ARB2A: variants seen among roughly 807,000 people sequenced by gnomAD.
ARB2A encodes ARB2 cotranscriptional regulator A.
the ARB2A span, among the ~76,000 whole-genome samples, chr5:94,084,557 TA>T: frequency 6.6e-6 from 1 of 152,092 alleles, no homozygotes; most frequent in Admixed American, 6.5e-5. Flanking sequence ...TTCAAAAAGT[TA>T]CATGGAAAGA....
chr5:93,687,201 C>T, the ARB2A span, among the ~76,000 whole-genome samples: 1 of 152,114 alleles, frequency 6.6e-6, no homozygotes, highest in African/African-American at 2.4e-5. Context: ...TAAAAATATG[C>T]TCAACCTCAC....
the ARB2A span, among the ~76,000 whole-genome samples, chr5:93,644,951 G>A: frequency 6.6e-6 from 1 of 152,154 alleles, no homozygotes; most frequent in East Asian, 1.9e-4. Flanking sequence ...ATTTGCTCTG[G>A]GCTGACTAAA....
the ARB2A span, chr5:93,910,972 G>C: frequency 6.6e-6 from 1 of 151,484 alleles, no homozygotes; most frequent in Non-Finnish European, 1.5e-5. Context: ...TCAGAAGAGA[G>C]TCATCAAAAT....
At chr5:93,961,607 C>A in the ARB2A span, among the ~76,000 whole-genome samples, 2 of 151,630 alleles carry the variant, frequency 1.3e-5, no homozygotes, top group African/African-American at 4.8e-5. Flanking sequence ...TTGCTTGAGG[C>A]CAGGAAGTCA....
chr5:94,049,073 T>C, the ARB2A span, among the ~76,000 whole-genome samples: 4 of 152,232 alleles, frequency 2.6e-5, no homozygotes, highest in African/African-American at 9.6e-5. Context: ...ATTTCAGCTT[T>C]TCCTTAGAAA....
chr5:93,871,061 C>T, the ARB2A span, among the ~76,000 whole-genome samples: 5 of 152,162 alleles, frequency 3.3e-5, no homozygotes, highest in Non-Finnish European at 7.4e-5. Flanking sequence ...CAAAGTAAGC[C>T]TGACAATCCC....
the ARB2A span, among the ~76,000 whole-genome samples, chr5:93,833,752 A>G: frequency 2.0e-5 from 3 of 152,218 alleles, no homozygotes; most frequent in Non-Finnish European, 4.4e-5. Context: ...AAATCAGAAT[A>G]CCACTTAGTA....
At chr5:93,917,059 C>A in the ARB2A span, among the ~76,000 whole-genome samples, 2 of 152,104 alleles carry the variant, frequency 1.3e-5, no homozygotes, top group South Asian at 4.1e-4. Context: ...CTCATTTAAT[C>A]CTCATTAATC....
At chr5:93,684,711 G>A in the ARB2A span, among the ~76,000 whole-genome samples, 1 of 152,154 alleles carries the variant, frequency 6.6e-6, no homozygotes, top group Non-Finnish European at 1.5e-5. Context: ...TTGGAGAATA[G>A]AGTTCTTTTT....
chr5:93,745,809 T>C, the ARB2A span, among the ~76,000 whole-genome samples: 197 of 152,064 alleles, frequency 1.3e-3, no homozygotes, highest in Non-Finnish European at 2.5e-3. Flanking sequence ...ACTCTGCAGA[T>C]GTCCTAGTAA....
chr5:93,642,644 G>T, the ARB2A span, among the ~76,000 whole-genome samples: 4 of 152,098 alleles, frequency 2.6e-5, no homozygotes, highest in Admixed American at 1.3e-4. Flanking sequence ...AAAGTGCTGG[G>T]ATTATAGACA....
At chr5:93,803,713 T>TA in the ARB2A span, among the ~76,000 whole-genome samples, 112,760 of 141,378 alleles carry the variant, frequency 0.8, 46,023 homozygotes, top group South Asian at 0.9. Flanking sequence ...ACTTAAAAGT[T>TA]AAAAAAAAAA....
At chr5:94,048,045 G>A in the ARB2A span, among the ~76,000 whole-genome samples, 19 of 128,822 alleles carry the variant, frequency 1.5e-4, no homozygotes, top group African/African-American at 4.3e-4. Flanking sequence ...AGTGGAAATC[G>A]GTAAGCTTTT....
chr5:93,671,351 T>G, the ARB2A span, among the ~76,000 whole-genome samples: 1 of 152,050 alleles, frequency 6.6e-6, no homozygotes, highest in Non-Finnish European at 1.5e-5. Flanking sequence ...TTTGAATACA[T>G]GAAGTAAAGA....
chr5:93,845,705 G>C, the ARB2A span, among the ~76,000 whole-genome samples: 2 of 152,172 alleles, frequency 1.3e-5, no homozygotes, highest in East Asian at 3.9e-4. Context: ...ATGAATACTA[G>C]AGCAGACTGA....
the ARB2A span, among the ~76,000 whole-genome samples, chr5:93,759,635 A>C: frequency 2.6e-5 from 4 of 152,224 alleles, no homozygotes; most frequent in Non-Finnish European, 5.9e-5. Flanking sequence ...AACAGAATTA[A>C]AAACAAAAAT....
the ARB2A span, among the ~76,000 whole-genome samples, chr5:93,637,499 C>T: frequency 6.6e-6 from 1 of 151,520 alleles, no homozygotes; most frequent in African/African-American, 2.4e-5. Flanking sequence ...AATGCAATTG[C>T]TAGGTTGTAC....
At chr5:94,058,571 T>C in the ARB2A span, among the ~76,000 whole-genome samples, 1 of 152,166 alleles carries the variant, frequency 6.6e-6, no homozygotes, top group East Asian at 1.9e-4. Flanking sequence ...AAATTAAAAA[T>C]AGACTGTTAA....
At chr5:94,035,773 G>C in the ARB2A span, among the ~76,000 whole-genome samples, 1 of 152,014 alleles carries the variant, frequency 6.6e-6, no homozygotes, top group African/African-American at 2.4e-5. Flanking sequence ...ACCAAACACC[G>C]CATGTTCTCA....
Sources: allele counts gnomAD v4.1 joint callset (sites outside exome capture counted in the v4.1 genomes callset), GRCh38; gene constraint gnomAD v4.1.1; transcripts MANE v1.5; gene names NCBI Gene and HGNC (gene_info 2026-07-23, HGNC 2026-07-21).